TMCC1: variants seen among roughly 807,000 people sequenced by gnomAD.
The protein encoded by TMCC1 is transmembrane and coiled-coil domain family 1, also known as transmembrane and coiled-coil domains protein 1.
Under a neutral mutation model 52.4 loss-of-function variants are expected in TMCC1, and 15 were observed. That is an observed-to-expected ratio of 0.29 (90% CI 0.19 to 0.44). The LOEUF is 0.44. Among genes scored for constraint, TMCC1 ranks in the 20% least tolerant of loss-of-function variants. The pLI is 1.00. For missense variants in TMCC1, 503 were observed against 806.0 expected, an observed-to-expected ratio of 0.62 and a Z score of 4.55; for synonymous variants, 279 against 301.9, an observed-to-expected ratio of 0.92 and a Z score of 0.79.
intron 4 of TMCC1, among the ~76,000 whole-genome samples, chr3:129,802,532 A>G (rs2057253458): frequency 6.6e-6 from 1 of 152,218 alleles, no homozygotes; most frequent in Non-Finnish European, 1.5e-5. Context: ...GCTTGATCCC[A>G]GAAATTTGGG....
intron 4 of TMCC1, among the ~76,000 whole-genome samples, chr3:129,734,903 AAT>A (rs1491091381): frequency 5.4e-4 from 82 of 150,494 alleles, no homozygotes; most frequent in African/African-American, 1.8e-3. Context: ...TTCTGTTCGA[AAT>A]TTTTTTTTTT....
chr3:129,681,985 C>T (rs2089031851), intron 4 of TMCC1, among the ~76,000 whole-genome samples: 1 of 151,498 alleles, frequency 6.6e-6, no homozygotes, highest in Non-Finnish European at 1.5e-5. Flanking sequence ...CAGAAAAGCC[C>T]TAAGTGTTCC....
At chr3:129,819,203 C>T (rs1041132814) in intron 4 of TMCC1, among the ~76,000 whole-genome samples, 1 of 152,174 alleles carries the variant, frequency 6.6e-6, no homozygotes, top group Non-Finnish European at 1.5e-5. Flanking sequence ...CTGCCTCAGC[C>T]TCCTGAGTAG....
chr3:129,753,519 T>G (rs2052716499), intron 4 of TMCC1, among the ~76,000 whole-genome samples: 1 of 152,190 alleles, frequency 6.6e-6, no homozygotes, highest in South Asian at 2.1e-4. Context: ...GTGGGATTCA[T>G]CCTAGGAATG....
chr3:129,875,689 A>C (rs1156907554), intron 2 of TMCC1, among the ~76,000 whole-genome samples: 1 of 152,162 alleles, frequency 6.6e-6, no homozygotes, highest in African/African-American at 2.4e-5. Flanking sequence ...AAAGTAAGCA[A>C]TACATATTTT....
chr3:129,800,179 T>C (rs1479876380), intron 4 of TMCC1, among the ~76,000 whole-genome samples: 1 of 152,246 alleles, frequency 6.6e-6, no homozygotes, highest in Non-Finnish European at 1.5e-5. Flanking sequence ...GTAACAGTTC[T>C]TTATTATTAC....
chr3:129,791,326 T>G (rs1363074421), intron 4 of TMCC1, among the ~76,000 whole-genome samples: 1 of 151,894 alleles, frequency 6.6e-6, no homozygotes, highest in Non-Finnish European at 1.5e-5. Context: ...ATCTCCTGAC[T>G]TCGTGATCTA....
chr3:129,812,336 C>CAAA (rs11387876), intron 4 of TMCC1, among the ~76,000 whole-genome samples: 902 of 54,788 alleles, frequency 0.016, 73 homozygotes, highest in African/African-American at 0.053. Flanking sequence ...GACTCTGTCT[C>CAAA]AAAAAAAAAA....
intron 4 of TMCC1, among the ~76,000 whole-genome samples, chr3:129,709,712 T>TA (rs2048521315): frequency 6.6e-6 from 1 of 151,928 alleles, no homozygotes; most frequent in African/African-American, 2.4e-5. Flanking sequence ...CATACTGACT[T>TA]CTGCTTGTAT....
intron 2 of TMCC1, among the ~76,000 whole-genome samples, chr3:129,844,506 GTTT>G (rs879332362): frequency 6.6e-6 from 1 of 151,934 alleles, no homozygotes; most frequent in East Asian, 1.9e-4. Flanking sequence ...AACATTCGGT[GTTT>G]TTTTTCTTAC....
At chr3:129,706,097 G>T (rs1411691804) in intron 4 of TMCC1, among the ~76,000 whole-genome samples, 5 of 150,524 alleles carry the variant, frequency 3.3e-5, no homozygotes, top group African/African-American at 1.2e-4. Flanking sequence ...CACCATGTTG[G>T]CCAGGCTGGT....
intron 4 of TMCC1, among the ~76,000 whole-genome samples, chr3:129,813,692 T>C (rs2057951068): frequency 6.6e-6 from 1 of 151,912 alleles, no homozygotes; most frequent in South Asian, 2.1e-4. Flanking sequence ...ACCTATTGGG[T>C]ACTATGCTTA....
At chr3:129,677,373 T>G (rs577105118) in intron 4 of TMCC1, among the ~76,000 whole-genome samples, 7 of 152,310 alleles carry the variant, frequency 4.6e-5, no homozygotes, top group Non-Finnish European at 7.4e-5. Flanking sequence ...ATGTTAAAAA[T>G]TTTCTATTTT....
chr3:129,671,086 T>A lies in TMCC1; in HGVS notation c.755A>T (p.Gln252Leu), dbSNP rs762928736. ...AGCAACGTTGTCGTCCCGGGCTGTT[T>A]GTGCAATCTTGATTTGTTCTGTGAG... Reference protein sequence around the residue: ...LKLTEQIKIAQTARDDNVAEY... With the variant: ...LKLTEQIKIALTARDDNVAEY... The change falls in exon 5 of 7, where the codon CAA (glutamine) becomes CTA (leucine). Residue 252 changes from glutamine to leucine, a missense_variant. By Grantham distance (113) the Gln-to-Leu change is moderately radical. Transcript: ENST00000393238. 3 of 1,614,216 alleles carry A rather than the reference T, an allele frequency of 1.9e-6. No individual in the cohort carries two copies. Among genetic ancestry groups the A allele is most frequent in the Non-Finnish European group, 2.5e-6 (3 of 1,180,030 alleles).
chr3:129,662,906 G>A (rs2087151658), intron 5 of TMCC1, among the ~76,000 whole-genome samples: 1 of 152,068 alleles, frequency 6.6e-6, no homozygotes, highest in African/African-American at 2.4e-5. Flanking sequence ...CAAACAGAAA[G>A]CCTTTGCACT....
chr3:129,765,016 A>G (rs1268530304), intron 4 of TMCC1, among the ~76,000 whole-genome samples: 1 of 150,800 alleles, frequency 6.6e-6, no homozygotes, highest in Non-Finnish European at 1.5e-5. Flanking sequence ...TGCCCAGGCT[A>G]GTCTTGAACT....
intron 4 of TMCC1, among the ~76,000 whole-genome samples, chr3:129,749,436 G>T (rs578125477): frequency 4.6e-5 from 7 of 152,186 alleles, no homozygotes; most frequent in Non-Finnish European, 8.8e-5. Context: ...GGAAAGAAAA[G>T]ATATGGGGTT....
intron 2 of TMCC1, among the ~76,000 whole-genome samples, chr3:129,865,324 T>C (rs2060573964): frequency 6.6e-6 from 1 of 152,186 alleles, no homozygotes; most frequent in South Asian, 2.1e-4. Context: ...TCATTTTTTT[T>C]TTTTTTTATA....
intron 4 of TMCC1, among the ~76,000 whole-genome samples, chr3:129,760,542 A>C (rs2053475579): frequency 6.8e-6 from 1 of 147,072 alleles, no homozygotes; most frequent in Non-Finnish European, 1.5e-5. Flanking sequence ...TAGTGGCGCG[A>C]TCTCCGCTCA....
Sources: allele counts gnomAD v4.1 joint callset (sites outside exome capture counted in the v4.1 genomes callset), GRCh38; gene constraint gnomAD v4.1.1; transcripts MANE v1.5; gene names NCBI Gene and HGNC (gene_info 2026-07-23, HGNC 2026-07-21).